Variants in CHD9 observed in about 807,000 individuals in gnomAD.
The protein encoded by CHD9 is ATP-dependent chromatin remodeler CHD9.
Under a neutral mutation model 316.1 loss-of-function variants are expected in CHD9, and 77 were observed. The ratio of observed to expected loss-of-function variants is 0.24; its 90% CI spans 0.20 to 0.29. The LOEUF is 0.29. Among genes scored for constraint, CHD9 ranks in the 10% least tolerant of loss-of-function variants. CHD9 has a pLI of 1.00. For missense variants in CHD9, 2,763 were observed against 3,438.1 expected (o/e 0.80, Z 4.91); for synonymous variants, 1,129 against 1,158.3 (o/e 0.97, Z 0.51).
intron 1 of CHD9, among the ~76,000 whole-genome samples, chr16:53,150,107 A>G (rs1475965503): frequency 6.6e-6 from 1 of 152,016 alleles, no homozygotes; most frequent in Non-Finnish European, 1.5e-5. Flanking sequence ...ATTTAAAGTA[A>G]TTATTGATAA....
intron 2 of CHD9, among the ~76,000 whole-genome samples, chr16:53,171,913 A>AC (rs2042780911): frequency 6.7e-6 from 1 of 149,354 alleles, no homozygotes; most frequent in South Asian, 2.1e-4. Context: ...GCAGGAAAGT[A>AC]CCCCCTCATC....
chr16:53,066,024 T>C (rs989787177), intron 1 of CHD9, among the ~76,000 whole-genome samples: 11 of 152,152 alleles, frequency 7.2e-5, no homozygotes, highest in African/African-American at 2.7e-4. Flanking sequence ...TATTTTGGGG[T>C]GGCTTACTGC....
At chr16:53,321,203 G>A (rs1479356819) in intron 37 of CHD9, 27 of 1,307,292 alleles carry the variant, frequency 2.1e-5, no homozygotes, top group East Asian at 5.1e-5. Flanking sequence ...TGATTTGCTC[G>A]AGTTCACATA....
In CHD9 at chr16:53,132,474, A is replaced by T. The variant is rs182637061; in HGVS notation, c.-164-23452A>T. On this transcript the variant is annotated intron_variant, in intron 1 of 38. Coordinates refer to ENST00000447540, the MANE Select transcript of CHD9 (RefSeq NM_001308319.2). Reference sequence around the variant, plus strand: ...TAATGTTACCCATTCCCTAGACTCTAGATAACTGTAGAAGTAGTTTTAAAA... The same window carrying T: ...TAATGTTACCCATTCCCTAGACTCTTGATAACTGTAGAAGTAGTTTTAAAA... Among the ~76,000 whole-genome samples the T allele has an allele frequency of 1.1e-3, 170 of 152,340 alleles. 1 individual carries two copies. Among genetic ancestry groups the T allele is most frequent in the Admixed American group, 9.5e-3 (146 of 15,306 alleles).
rs1277684129 is a variant in CHD9, at chr16:53,285,468, G to C, written c.4968-128G>C. 3 of 332,732 alleles carry C rather than the reference G, an allele frequency of 9.0e-6. 1 individual carries two copies. The highest frequency in any genetic ancestry group is 1.5e-5 in the Non-Finnish European group (3 of 205,422). The allele number at this position is 332,732 out of a possible 1,614,324, so 20.6% of individuals were successfully genotyped here. ...ATTTTAATTGGTGGCAATTATGAAG[G>C]ATTAAAAAATAATGAAATCCTAAGC... On this transcript the variant is annotated intron_variant, in intron 24 of 38. Transcript: ENST00000447540.
rs567032914 is a variant in CHD9, at chr16:53,226,358, C to G, written c.1897-8C>G. ...TTATATAAATCTGATTCTTGTGGTTCATTACAGAAAAGAAGATCAAATCGA... is the reference window on the plus strand; with the variant it reads ...TTATATAAATCTGATTCTTGTGGTTGATTACAGAAAAGAAGATCAAATCGA... On this transcript the variant is annotated splice_polypyrimidine_tract_variant and splice_region_variant and intron_variant, in intron 4 of 38. Transcript: ENST00000447540. The G allele has an allele frequency of 1.3e-6, 2 of 1,526,016 alleles. No homozygotes were observed. The highest frequency in any genetic ancestry group is 2.8e-5 in the African/African-American group (2 of 70,838). The allele number at this position is 1,526,016 out of a possible 1,614,324, so 94.5% of individuals were successfully genotyped here.
intron 1 of CHD9, among the ~76,000 whole-genome samples, chr16:53,128,380 C>A (rs1171453053): frequency 6.6e-6 from 1 of 152,080 alleles, no homozygotes; most frequent in East Asian, 1.9e-4. Flanking sequence ...TGAGGTTTCT[C>A]CATGTTGGTC....
At position 53,241,468 on chromosome 16, in the gene CHD9, G is replaced by A. The variant is rs559853649; in HGVS notation, c.2878-1372G>A. Among the ~76,000 whole-genome samples, 4 of 152,298 alleles carry A rather than the reference G, an allele frequency of 2.6e-5. No individual in the cohort carries two copies. In the East Asian group the frequency reaches 7.7e-4, roughly 29 times the overall value. ...AATTCCTAAGCCTGTATCACCAAGT[G>A]TAAACTCTTTCCTAAATTCCAGAGT... On this transcript the variant is annotated intron_variant, in intron 12 of 38. Coordinates refer to ENST00000447540, the MANE Select transcript of CHD9 (RefSeq NM_001308319.2).
intron 37 of CHD9, chr16:53,320,101 A>G (rs536905196): frequency 6.3e-6 from 1 of 159,160 alleles, no homozygotes; most frequent in East Asian, 1.9e-4. Flanking sequence ...GCTTGAGCCC[A>G]GGACCTCAAG....
chr16:53,229,450 G>A (rs1023668569), intron 8 of CHD9, among the ~76,000 whole-genome samples: 3 of 152,122 alleles, frequency 2.0e-5, no homozygotes, highest in African/African-American at 4.8e-5. Context: ...AGATTTTTCA[G>A]TACATGAAAT....
intron 30 of CHD9, among the ~76,000 whole-genome samples, chr16:53,302,328 A>G (rs868347033): frequency 2.4e-4 from 37 of 152,240 alleles, no homozygotes; most frequent in African/African-American, 8.4e-4. Flanking sequence ...TTATTTAGCC[A>G]TGTATCCCTC....
rs1187240307 is a variant in CHD9 at position 53,156,118 on chromosome 16, A to T, written c.29A>T (p.Asp10Val). The change falls in exon 2 of 39, where the codon GAT becomes GTT. Residue 10 changes from aspartate (D) to valine (V), a missense_variant. Around this residue, in one of 15 missense-constraint regions of CHD9, gnomAD observed 859 missense variants for 890.4 expected, o/e 0.96. Transcript: ENST00000447540. MTDPMMDFF[D>V]DANLFGETLE... ...ACAGATCCAATGATGGACTTTTTTGATGATGCCAATCTTTTTGGTGAGACC... is the reference window on the plus strand; with the variant it reads ...ACAGATCCAATGATGGACTTTTTTGTTGATGCCAATCTTTTTGGTGAGACC... The T allele has an allele frequency of 1.2e-6, 2 of 1,612,480 alleles. No homozygotes were observed. Among genetic ancestry groups the T allele is most frequent in the South Asian group, 2.2e-5 (2 of 90,814 alleles).
chr16:53,238,346 A>C lies in CHD9; in HGVS notation c.2637A>C (p.Arg879=), dbSNP rs573062372. 257 of 1,610,964 alleles carry C rather than the reference A, an allele frequency of 1.6e-4. 1 individual carries two copies. In the Middle Eastern group the frequency reaches 2.7e-3, roughly 17 times the overall value. ...NWLLFNWYNR[R]NCILADEMGL... ...ATAATGTATTTGTTTATTTCAGACGAAACTGCATCTTAGCAGATGAAATGG... is the reference window on the plus strand; with the variant it reads ...ATAATGTATTTGTTTATTTCAGACGCAACTGCATCTTAGCAGATGAAATGG... Residue 879 remains arginine (R), a synonymous_variant, in exon 12 of 39, where the codon CGA becomes CGC. Coordinates refer to ENST00000447540, the MANE Select transcript of CHD9 (RefSeq NM_001308319.2).
chr16:53,243,394 A>C (rs2049274362), intron 13 of CHD9, among the ~76,000 whole-genome samples: 1 of 152,096 alleles, frequency 6.6e-6, no homozygotes, highest in South Asian at 2.1e-4. Context: ...ACTCACTGCA[A>C]CCTCCACCTC....
chr16:53,214,864 A>T (rs1205453033), intron 3 of CHD9, among the ~76,000 whole-genome samples: 1 of 152,030 alleles, frequency 6.6e-6, no homozygotes, highest in East Asian at 1.9e-4. Flanking sequence ...CATGTCATTG[A>T]TTATTAAATG....
chr16:53,237,846 C>A (rs953164607), intron 11 of CHD9, among the ~76,000 whole-genome samples: 18 of 151,616 alleles, frequency 1.2e-4, no homozygotes, highest in Non-Finnish European at 2.5e-4. Context: ...TCTTTTTTTT[C>A]AAGCTTTGTA....
intron 1 of CHD9, among the ~76,000 whole-genome samples, chr16:53,122,702 A>G (rs1176517309): frequency 1.3e-5 from 2 of 151,510 alleles, no homozygotes; most frequent in African/African-American, 2.4e-5. Flanking sequence ...GCACCACCAC[A>G]CCCAGCTAAT....
At chr16:53,153,002 T>C (rs371780954) in intron 1 of CHD9, among the ~76,000 whole-genome samples, 9 of 152,270 alleles carry the variant, frequency 5.9e-5, no homozygotes, top group African/African-American at 2.2e-4. Context: ...TATATAACAA[T>C]TAAATGAAGT....
At chr16:53,241,717 A>G (rs1460440736) in intron 12 of CHD9, among the ~76,000 whole-genome samples, 1 of 152,226 alleles carries the variant, frequency 6.6e-6, no homozygotes, top group East Asian at 1.9e-4. Flanking sequence ...TTCAAAATGT[A>G]TCTAGAACTG....
Sources: allele counts gnomAD v4.1 joint callset (sites outside exome capture counted in the v4.1 genomes callset), GRCh38; gene constraint gnomAD v4.1.1; regional missense constraint gnomAD v4.1.1; transcripts MANE v1.5; gene names NCBI Gene and HGNC (gene_info 2026-07-23, HGNC 2026-07-21).